The following ADAMTS12 variants were observed in gnomAD, a reference collection of about 807,000 sequenced individuals.
ADAMTS12 encodes the protein A disintegrin and metalloproteinase with thrombospondin motifs 12.
ADAMTS12 carries 118 observed loss-of-function variants against 167.8 expected under a neutral mutation model. That is an observed-to-expected ratio of 0.70 (90% CI 0.61 to 0.82). The LOEUF (loss-of-function observed/expected upper bound fraction) is 0.82, where lower values mean the gene tolerates loss of function less well. ADAMTS12 is among the 40% of genes least tolerant of loss of function. The pLI is 0.00. For missense variants in ADAMTS12, 1,916 were observed against 1,998.8 expected (o/e 0.96, Z 0.79); for synonymous variants, 704 against 716.9 (o/e 0.98, Z 0.29).
rs1561100255 is a variant in ADAMTS12, at chr5:33,526,939, C to T, written c.*249G>A. On this transcript the variant is annotated 3_prime_UTR_variant, in exon 24 of 24. Transcript: ENST00000504830. ...CTAACCTGGCACCTTTCCCAGGAGCCGATACCAGGTGCTGCCTGATTCTCC... is the reference window on the plus strand; with the variant it reads ...CTAACCTGGCACCTTTCCCAGGAGCTGATACCAGGTGCTGCCTGATTCTCC... 2.1e-6 allele frequency: 1 copy of T among 467,450 alleles called. No individual in the cohort carries two copies. Among genetic ancestry groups the T allele is most frequent in the East Asian group, 3.5e-5 (1 of 28,576 alleles). The allele number at this position is 467,450 out of a possible 1,614,324, so 29.0% of individuals were successfully genotyped here.
intron 3 of ADAMTS12, among the ~76,000 whole-genome samples, chr5:33,715,767 T>C (rs1293900333): frequency 6.6e-6 from 1 of 152,078 alleles, no homozygotes; most frequent in African/African-American, 2.4e-5. Flanking sequence ...CTAGGAGACT[T>C]TATAATCACA....
chr5:33,739,153 A>G (rs1744475300), intron 3 of ADAMTS12, among the ~76,000 whole-genome samples: 1 of 152,210 alleles, frequency 6.6e-6, no homozygotes, highest in African/African-American at 2.4e-5. Context: ...TCCCTGAGTC[A>G]TCACAGCTGA....
rs75673940 is a variant in ADAMTS12 at position 33,775,904 on chromosome 5, G to A, written c.490-24356C>T. ...AGAGCCCTCGTGAAGGGATTAGGCCGAAGGGAGCTCATTATCCCTTCTGCC... is the reference window on the plus strand; with the variant it reads ...AGAGCCCTCGTGAAGGGATTAGGCCAAAGGGAGCTCATTATCCCTTCTGCC... On this transcript the variant is annotated intron_variant, in intron 2 of 23. Coordinates refer to ENST00000504830, the MANE Select transcript of ADAMTS12 (RefSeq NM_030955.4). Among the ~76,000 whole-genome samples the A allele has an allele frequency of 1.9e-3, 287 of 152,330 alleles. 1 individual carries two copies. The highest frequency in any genetic ancestry group is 6.4e-3 in the African/African-American group (265 of 41,586).
chr5:33,782,841 T>C (rs1257925059), intron 2 of ADAMTS12, among the ~76,000 whole-genome samples: 1 of 152,066 alleles, frequency 6.6e-6, no homozygotes, highest in African/African-American at 2.4e-5. Flanking sequence ...TTGCTTCATA[T>C]CTCAATATCT....
At chr5:33,872,912 TATCTC>T (rs1378918763) in intron 2 of ADAMTS12, among the ~76,000 whole-genome samples, 1 of 152,154 alleles carries the variant, frequency 6.6e-6, no homozygotes, top group Non-Finnish European at 1.5e-5. Context: ...TATGATAAAA[TATCTC>T]AGTAAAATAG....
intron 16 of ADAMTS12, among the ~76,000 whole-genome samples, chr5:33,596,537 C>T (rs990458125): frequency 2.0e-5 from 3 of 152,142 alleles, no homozygotes; most frequent in Admixed American, 2.0e-4. Flanking sequence ...CAAAAATTAG[C>T]TGGGTGTGTT....
intron 16 of ADAMTS12, among the ~76,000 whole-genome samples, chr5:33,599,656 A>G (rs13184224): frequency 0.49 from 75,140 of 151,888 alleles, 19,028 homozygotes; most frequent in South Asian, 0.62. Context: ...CATACCTTTG[A>G]AAGTAGGCAA....
chr5:33,814,600 G>A (rs72741475), intron 2 of ADAMTS12, among the ~76,000 whole-genome samples: 20,092 of 152,146 alleles, frequency 0.13, 1,679 homozygotes, highest in Non-Finnish European at 0.18. Context: ...CAATGGAACT[G>A]GATGAAATCA....
chr5:33,870,507 A>AACAGTGT, intron 2 of ADAMTS12, among the ~76,000 whole-genome samples: 1 of 152,348 alleles, frequency 6.6e-6, no homozygotes, highest in Non-Finnish European at 1.5e-5. Flanking sequence ...GACTTCCCAC[A>AACAGTGT]ACAGTGTACA....
intron 1 of ADAMTS12, among the ~76,000 whole-genome samples, chr5:33,890,704 G>GGTGCGTGTGCGT (rs1750812031): frequency 6.6e-6 from 1 of 152,022 alleles, no homozygotes; most frequent in Non-Finnish European, 1.5e-5. Flanking sequence ...CATGCGTGTG[G>GGTGCGTGTGCGT]GTGCATATGC....
chr5:33,860,680 C>T (rs1342900576), intron 2 of ADAMTS12, among the ~76,000 whole-genome samples: 1 of 152,154 alleles, frequency 6.6e-6, no homozygotes, highest in Non-Finnish European at 1.5e-5. Flanking sequence ...AAAGATACTC[C>T]TTGAAAAGAG....
chr5:33,601,426 C>T (rs1318229991), intron 16 of ADAMTS12, among the ~76,000 whole-genome samples: 1 of 152,114 alleles, frequency 6.6e-6, no homozygotes, highest in Admixed American at 6.5e-5. Flanking sequence ...AATCCAAAGC[C>T]TCTTTGTAAC....
At chr5:33,668,586 G>A (rs7719460) in intron 5 of ADAMTS12, among the ~76,000 whole-genome samples, 145,140 of 152,212 alleles carry the variant, frequency 0.95, 69,584 homozygotes, top group Non-Finnish European at 1. Flanking sequence ...GGGTTCAAGC[G>A]ATTCTTGTGC....
rs1746263980 is a variant in ADAMTS12, at chr5:33,784,604, A to C, written c.490-33056T>G. ...CAGTTTCATTTCCAAGATAATCAGA[A>C]AGAACAAAATAATTACAAATTAACG... On this transcript the variant is annotated intron_variant, in intron 2 of 23. Transcript: ENST00000504830. 4.6e-5 allele frequency among the ~76,000 whole-genome samples: 7 copies of C among 151,946 alleles called. No individual in the cohort carries two copies. In the South Asian group the frequency reaches 1.4e-3, roughly 31 times the overall value.
intron 3 of ADAMTS12, among the ~76,000 whole-genome samples, chr5:33,720,280 T>TCTCA (rs776845626): frequency 5.9e-4 from 37 of 62,328 alleles, no homozygotes; most frequent in East Asian, 1.5e-3. Flanking sequence ...TCTCTCTCTC[T>TCTCA]CACTCACACA....
intron 3 of ADAMTS12, among the ~76,000 whole-genome samples, chr5:33,745,471 G>C (rs1044854066): frequency 6.6e-6 from 1 of 152,118 alleles, no homozygotes; most frequent in South Asian, 2.1e-4. Flanking sequence ...TGTTCCAAAG[G>C]CACCCTCCCA....
chr5:33,704,078 C>T (rs1032069327), intron 3 of ADAMTS12, among the ~76,000 whole-genome samples: 9 of 152,122 alleles, frequency 5.9e-5, no homozygotes, highest in East Asian at 1.9e-4. Flanking sequence ...AACTTCTTTA[C>T]GCAGCTTATG....
At position 33,576,741 on chromosome 5, in the gene ADAMTS12, T is replaced by C. The variant is rs770996077; in HGVS notation, c.3285A>G (p.Gln1095=). 1.9e-6 allele frequency: 3 copies of C among 1,614,146 alleles called. No homozygotes were observed. In the South Asian group the frequency reaches 3.3e-5, roughly 18 times the overall value. Residue 1095 remains glutamine, a synonymous_variant, in exon 19 of 24, where the codon CAA becomes CAG. Transcript: ENST00000504830. ...GSTSQPILTS[Q]SLSIQPSEEN... is the part of the protein sequence containing the mutation. Reference sequence around the variant, plus strand: ...CCTCACTTGGCTGAATGCTCAAGGATTGGGAAGTGAGGATGGGCTGGGAAG... The same window carrying C: ...CCTCACTTGGCTGAATGCTCAAGGACTGGGAAGTGAGGATGGGCTGGGAAG...
chr5:33,691,919 A>G (rs1489258552), intron 3 of ADAMTS12, among the ~76,000 whole-genome samples: 10 of 152,228 alleles, frequency 6.6e-5, no homozygotes, highest in Non-Finnish European at 1.0e-4. Context: ...TGGTGTCTAA[A>G]TAGATCTGGG....
Sources: gnomAD v4.1 joint callset for allele counts (sites outside exome capture counted in the v4.1 genomes callset) on GRCh38, gnomAD v4.1.1 for gene constraint, MANE v1.5 for transcripts, NCBI Gene and HGNC (gene_info 2026-07-23, HGNC 2026-07-21) for gene names.